The following MRPL47 variants were observed in gnomAD, a reference collection of about 807,000 sequenced individuals.
MRPL47 encodes the protein mitochondrial ribosomal protein L47.
MRPL47 carries 31 observed loss-of-function variants against 34.0 expected under a neutral mutation model. That is an observed-to-expected ratio of 0.91 (90% CI 0.68 to 1.23). The LOEUF (loss-of-function observed/expected upper bound fraction) is 1.23, where lower values mean the gene tolerates loss of function less well. Among genes scored for constraint, MRPL47 ranks in the 50% most tolerant of loss-of-function variants. The pLI is 0.00. For synonymous variants in MRPL47, 106 were observed against 101.6 expected (o/e 1.04, Z -0.26); for missense variants, 328 against 285.8 (o/e 1.15, Z -1.07).
chr3:179,592,774 A>G, intron 5 of MRPL47, 35 bp from the exon 6 acceptor site: 2 of 1,327,412 alleles, frequency 1.5e-6, no homozygotes, highest in East Asian at 2.3e-5. Flanking sequence ...TGCCTTAAAG[A>G]AAACATTTAA....
rs1193093277 is a variant in MRPL47, at chr3:179,602,718, A to G, written c.178T>C (p.Ser60Pro). The G allele has an allele frequency of 6.2e-7, 1 of 1,612,700 alleles. No homozygotes were observed. Residue 60 changes from serine to proline, a missense_variant, in exon 2 of 7, where the codon TCA becomes CCA. Physicochemically the swap from Ser to Pro is moderately conservative, Grantham distance 74 (BLOSUM62 -1). Transcript: ENST00000476781. ...HQYRLLHTTL[S>P]RKGLEEFFDD... is the part of the protein sequence containing the mutation. Reference sequence around the variant, plus strand: ...AAAAATTCTTCTAGTCCTTTCCTTGACAATGTGGTATGAAGTAATCTATAT... The same window carrying G: ...AAAAATTCTTCTAGTCCTTTCCTTGGCAATGTGGTATGAAGTAATCTATAT...
At chr3:179,590,046 T>A (rs1029525838) in intron 6 of MRPL47, among the ~76,000 whole-genome samples, 5 of 152,120 alleles carry the variant, frequency 3.3e-5, no homozygotes, top group African/African-American at 1.2e-4. Flanking sequence ...TACATTATTT[T>A]AAAAGTTATG....
chr3:179,592,317 C>T (rs2108378955), intron 6 of MRPL47, among the ~76,000 whole-genome samples: 1 of 152,296 alleles, frequency 6.6e-6, no homozygotes, highest in East Asian at 1.9e-4. Flanking sequence ...GCCTCAGCCT[C>T]CCAAGTAGCT....
rs757137848 is a variant in MRPL47 at position 179,593,844 on chromosome 3, C to A, written c.454G>T (p.Ala152Ser). The change falls in exon 5 of 7, where the codon GCC becomes TCC. Residue 152 changes from alanine to serine, a missense_variant. Ala to Ser is a moderately conservative substitution (Grantham distance 99, BLOSUM62 1). Coordinates refer to ENST00000476781, the MANE Select transcript of MRPL47 (RefSeq NM_020409.3). ...TGACCAGTCTGAAGAAGCCTTAGGG[C>A]ATCTTCTCTTTCCTGGACAACTTTA... The part of the protein sequence containing the change: ...LDKVVQERED[A>S]LRLLQTGQER... 6.2e-7 allele frequency: 1 copy of A among 1,613,560 alleles called. No individual in the cohort carries two copies. The highest frequency in any genetic ancestry group is 1.1e-5 in the South Asian group (1 of 91,048).
chr3:179,597,619 CAACATGGTAA>C (rs1718817649), intron 4 of MRPL47, among the ~76,000 whole-genome samples: 2 of 152,074 alleles, frequency 1.3e-5, no homozygotes, highest in Admixed American at 6.5e-5. Flanking sequence ...CCAGCCTGGC[CAACATGGTAA>C]AACCCCGTCT....
At chr3:179,597,816 T>A (rs6785779) in intron 4 of MRPL47, among the ~76,000 whole-genome samples, 13,684 of 151,664 alleles carry the variant, frequency 0.09, 668 homozygotes, top group South Asian at 0.17. Context: ...CTCAAAAAAA[T>A]AAAATAAAAA....
At position 179,588,957 on chromosome 3, in the gene MRPL47, T is replaced by A. The variant is rs1289786636; in HGVS notation, c.668A>T (p.Lys223Met). Residue 223 changes from lysine to methionine, a missense_variant, in exon 7 of 7, where the codon AAG becomes ATG. Lys to Met is a moderately conservative substitution (Grantham distance 95, BLOSUM62 -1). Coordinates refer to ENST00000476781, the MANE Select transcript of MRPL47 (RefSeq NM_020409.3). ...TGCTTTCTTTCTCTCTAAATTTTCC[T>A]TCCGTGCTTTGATGCGGGCTCGTTT... ...REKRARIKAR[K>M]ENLERKKAKI... is the part of the protein sequence containing the mutation. The A allele has an allele frequency of 6.2e-7, 1 of 1,613,706 alleles. No homozygotes were observed. The highest frequency in any genetic ancestry group is 1.1e-5 in the South Asian group (1 of 91,004).
chr3:179,592,947 T>C (rs1247762407), intron 5 of MRPL47, among the ~76,000 whole-genome samples: 1 of 152,186 alleles, frequency 6.6e-6, no homozygotes, highest in African/African-American at 2.4e-5. Flanking sequence ...ATGAGTTAAG[T>C]GGTATAATGT....
At chr3:179,600,066 G>T (rs192945052) in intron 3 of MRPL47, among the ~76,000 whole-genome samples, 1 of 151,804 alleles carries the variant, frequency 6.6e-6, no homozygotes, top group East Asian at 1.9e-4. Context: ...GGTTGCAGTG[G>T]GCTGAGATCG....
intron 6 of MRPL47, 58 bp from the exon 7 acceptor site, chr3:179,589,053 A>G: frequency 6.6e-7 from 1 of 1,524,844 alleles, no homozygotes; most frequent in Non-Finnish European, 8.9e-7. Flanking sequence ...GTTATTCAAT[A>G]CTATCAAAAT....
intron 6 of MRPL47, among the ~76,000 whole-genome samples, chr3:179,590,641 A>AT (rs1337047139): frequency 1.3e-5 from 2 of 151,490 alleles, no homozygotes; most frequent in Non-Finnish European, 2.9e-5. Context: ...AGAGTTTAAG[A>AT]TTTTGTCCTG....
intron 4 of MRPL47, among the ~76,000 whole-genome samples, 158 bp downstream of exon 4, chr3:179,598,517 T>C (rs979354219): frequency 2.0e-5 from 3 of 151,036 alleles, no homozygotes; most frequent in African/African-American, 7.3e-5. Flanking sequence ...GCGATGGAAA[T>C]GTTTCCAAAG....
At chr3:179,602,938 A>AT (rs199870944) in intron 1 of MRPL47, 141 bp from the exon 2 acceptor site, 366 of 706,670 alleles carry the variant, frequency 5.2e-4, no homozygotes, top group Non-Finnish European at 6.0e-4. Context: ...ACAAGAATTA[A>AT]TTTTTTTTTC....
chr3:179,592,547 G>C (rs1330301304), intron 6 of MRPL47, 97 bp downstream of exon 6: 1 of 722,888 alleles, frequency 1.4e-6, no homozygotes, highest in East Asian at 2.7e-5. Flanking sequence ...AAAATTTAAA[G>C]ACAGCTTAAG....
In MRPL47 at chr3:179,588,997, TAGAA is replaced by T. The variant is rs1424929995; in HGVS notation, c.630-6_630-3del. On this transcript the variant is annotated splice_region_variant and splice_polypyrimidine_tract_variant and intron_variant, in intron 6 of 6. Coordinates refer to ENST00000476781, the MANE Select transcript of MRPL47 (RefSeq NM_020409.3). The stretch of plus-strand genomic sequence containing the variant: ...CGGGCTCGTTTCTCACGTTCCAGTC[TAGAA>T]TAAAAAAAGCGTAACAGCAATTTAT... The T allele has an allele frequency of 1.3e-6, 2 of 1,596,110 alleles. No homozygotes were observed. The highest frequency in any genetic ancestry group is 1.7e-6 in the Non-Finnish European group (2 of 1,174,560).
chr3:179,593,716 C>T, intron 5 of MRPL47, 49 bp downstream of exon 5: 1 of 1,550,442 alleles, frequency 6.4e-7, no homozygotes, highest in Non-Finnish European at 8.7e-7. Flanking sequence ...GGGAATGAGG[C>T]ATGGATTTCC....
chr3:179,604,645 A>C (rs762198202), upstream of MRPL47: 1 of 1,613,972 alleles, frequency 6.2e-7, no homozygotes, highest in Non-Finnish European at 8.5e-7. Context: ...AACTGGCAAA[A>C]CGCGTTTCCG....
chr3:179,602,646 T>A lies in MRPL47; in HGVS notation c.244+6A>T. On this transcript the variant is annotated splice_donor_region_variant and intron_variant, in intron 2 of 6. Coordinates refer to ENST00000476781, the MANE Select transcript of MRPL47 (RefSeq NM_020409.3). ...TATCTAATGTTGACAAATCCAAGTA[T>A]CTCACCAGATTTTACTTTTTCTTGC... is the stretch of plus-strand genomic sequence containing the variant. 1 of 1,585,306 alleles carries A rather than the reference T, an allele frequency of 6.3e-7. No homozygotes were observed. Among genetic ancestry groups the A allele is most frequent in the Non-Finnish European group, 8.6e-7 (1 of 1,161,840 alleles).
intron 3 of MRPL47, among the ~76,000 whole-genome samples, chr3:179,600,808 T>G (rs977888503): frequency 2.6e-5 from 4 of 152,152 alleles, no homozygotes; most frequent in African/African-American, 9.7e-5. Context: ...GTTGTTGCCA[T>G]GTAGGAATGC....
Sources: allele counts gnomAD v4.1 joint callset (sites outside exome capture counted in the v4.1 genomes callset), GRCh38; gene constraint gnomAD v4.1.1; transcripts MANE v1.5; gene names NCBI Gene and HGNC (gene_info 2026-07-23, HGNC 2026-07-21).